ACTR3C: variants seen among roughly 807,000 people sequenced by gnomAD.
ACTR3C encodes actin-related protein 3C.
Under a neutral mutation model 26.3 loss-of-function variants are expected in ACTR3C, and 18 were observed. The ratio of observed to expected loss-of-function variants is 0.68; its 90% CI spans 0.47 to 1.01. ACTR3C has a LOEUF of 1.01. Ranked by LOEUF, ACTR3C falls within the 50% of genes least tolerant of loss-of-function variation. ACTR3C has a pLI of 0.00. For missense variants in ACTR3C, 184 were observed against 250.7 expected, an observed-to-expected ratio of 0.73 and a Z score of 1.80; for synonymous variants, 55 against 94.5, an observed-to-expected ratio of 0.58 and a Z score of 2.42.
the ACTR3C span, among the ~76,000 whole-genome samples, chr7:150,058,680 GC>G: frequency 6.6e-6 from 1 of 152,168 alleles, no homozygotes; most frequent in Non-Finnish European, 1.5e-5. Flanking sequence ...ACTTGGGGAG[GC>G]CAAGGTGGGT....
chr7:149,949,532 T>C, the ACTR3C span, among the ~76,000 whole-genome samples: 132 of 142,826 alleles, frequency 9.2e-4, no homozygotes, highest in African/African-American at 3.3e-3. Context: ...TTTAGTCTTA[T>C]GTTCACGCAT....
At chr7:150,317,217 T>A (rs1406929593) in intron 1 of ACTR3C, among the ~76,000 whole-genome samples, 1 of 151,912 alleles carries the variant, frequency 6.6e-6, no homozygotes, top group Non-Finnish European at 1.5e-5. Context: ...CCCGGCTAAT[T>A]TTTTGTATTT....
chr7:150,213,137 C>A, the ACTR3C span, among the ~76,000 whole-genome samples: 2 of 151,684 alleles, frequency 1.3e-5, no homozygotes, highest in African/African-American at 4.8e-5. Flanking sequence ...TGATTCAAGT[C>A]CAAAATCAAG....
At position 150,296,021 on chromosome 7, in the gene ACTR3C, GACAGAGAAA is replaced by G. The variant is rs375392594; in HGVS notation, c.-51-683_-51-675del. On this transcript the variant is annotated intron_variant, in intron 1 of 7. Transcript: ENST00000683684. Reference sequence around the variant, plus strand: ...AAAACACTCAAAGAGAAAGAAAAGGGACAGAGAAAAGAGGAAAAACAAATGGCAGACAAA... The same window carrying G: ...AAAACACTCAAAGAGAAAGAAAAGGGAGAGGAAAAACAAATGGCAGACAAA... Among the ~76,000 whole-genome samples, 469 of 120,598 alleles carry G rather than the reference GACAGAGAAA, an allele frequency of 3.9e-3. 1 individual carries two copies. The highest frequency in any genetic ancestry group is 0.017 in the African/African-American group (433 of 25,724). 79.1% of individuals were successfully genotyped at this position (120,598 alleles called of 152,430 possible).
the ACTR3C span, chr7:150,005,177 AC>A: frequency 3.9e-5 from 6 of 152,372 alleles, no homozygotes; most frequent in African/African-American, 1.4e-4. Flanking sequence ...TATTTTTGCA[AC>A]TGTTCTGTAA....
chr7:150,119,516 T>C, the ACTR3C span, among the ~76,000 whole-genome samples: 1 of 152,166 alleles, frequency 6.6e-6, no homozygotes, highest in Non-Finnish European at 1.5e-5. Context: ...AAGAGATCAA[T>C]GCAACAAGAA....
the ACTR3C span, among the ~76,000 whole-genome samples, chr7:149,999,013 G>A: frequency 2.7e-5 from 4 of 150,312 alleles, no homozygotes; most frequent in Admixed American, 6.7e-5. Context: ...GAGCCTGGAC[G>A]TTGCCCTGCT....
the ACTR3C span, among the ~76,000 whole-genome samples, chr7:150,082,947 C>CTTT: frequency 2.9e-3 from 312 of 108,560 alleles, 12 homozygotes; most frequent in African/African-American, 6.5e-3. Context: ...TTTTTTTTTT[C>CTTT]TTTTTTTTTT....
chr7:149,911,669 GA>G, the ACTR3C span, among the ~76,000 whole-genome samples: 105 of 140,066 alleles, frequency 7.5e-4, no homozygotes, highest in African/African-American at 2.1e-3. Context: ...ATGGGTTTCA[GA>G]AAAAAAAAAA....
chr7:149,899,716 A>C, the ACTR3C span, among the ~76,000 whole-genome samples: 1 of 152,046 alleles, frequency 6.6e-6, no homozygotes, highest in African/African-American at 2.4e-5. Flanking sequence ...CAGGACCAGA[A>C]GGTATGCAAA....
At chr7:150,041,723 C>A in the ACTR3C span, among the ~76,000 whole-genome samples, 2 of 141,200 alleles carry the variant, frequency 1.4e-5, no homozygotes, top group East Asian at 4.5e-4. Flanking sequence ...GGTGCCTCCC[C>A]CTCCTGCGAT....
intron 6 of ACTR3C, among the ~76,000 whole-genome samples, chr7:150,276,936 C>G (rs1476922324): frequency 6.6e-6 from 1 of 152,212 alleles, no homozygotes; most frequent in African/African-American, 2.4e-5. Flanking sequence ...AGTGATTTAA[C>G]CAGACACTAA....
chr7:150,132,124 T>C, the ACTR3C span, among the ~76,000 whole-genome samples: 4 of 152,204 alleles, frequency 2.6e-5, no homozygotes, highest in Non-Finnish European at 5.9e-5. Context: ...GAAGTGGCAT[T>C]AGTTTGGTGG....
the ACTR3C span, among the ~76,000 whole-genome samples, chr7:150,188,432 C>T: frequency 1.5e-4 from 23 of 151,568 alleles, no homozygotes; most frequent in Non-Finnish European, 3.1e-4. Context: ...TGCATACAGG[C>T]CTGGTGTGTG....
the ACTR3C span, among the ~76,000 whole-genome samples, chr7:149,952,930 A>G: frequency 6.6e-6 from 1 of 152,184 alleles, no homozygotes; most frequent in Non-Finnish European, 1.5e-5. Flanking sequence ...TTAAAAATAT[A>G]TACTTCTGAC....
chr7:150,065,645 G>A, the ACTR3C span, among the ~76,000 whole-genome samples: 10 of 151,900 alleles, frequency 6.6e-5, no homozygotes, highest in East Asian at 1.5e-3. Context: ...CCTCAGGGTC[G>A]GATGGGGAGA....
the ACTR3C span, among the ~76,000 whole-genome samples, chr7:149,928,192 TTTTTC>T: frequency 7.0e-6 from 1 of 141,884 alleles, no homozygotes; most frequent in Non-Finnish European, 1.5e-5. Context: ...TTGCTTTCTT[TTTTTC>T]TTTTCTTTTT....
chr7:149,983,449 G>GTATATATATATATATATATA, the ACTR3C span, among the ~76,000 whole-genome samples: 4 of 23,286 alleles, frequency 1.7e-4, no homozygotes, highest in African/African-American at 5.8e-4. Context: ...GTGTGTGTGT[G>GTATATATATATATATATATA]TATATATATA....
At chr7:150,299,468 A>AAAG (rs1795229520) in intron 1 of ACTR3C, among the ~76,000 whole-genome samples, 1 of 136,622 alleles carries the variant, frequency 7.3e-6, no homozygotes, top group Non-Finnish European at 1.5e-5. Context: ...CCCTCTCAAA[A>AAAG]AAAAAAAAAA....
Sources: gnomAD v4.1 joint callset for allele counts (sites outside exome capture counted in the v4.1 genomes callset) on GRCh38, gnomAD v4.1.1 for gene constraint, MANE v1.5 for transcripts, NCBI Gene and HGNC (gene_info 2026-07-23, HGNC 2026-07-21) for gene names.